EYS: variants seen among roughly 807,000 people sequenced by gnomAD.
EYS encodes the protein EGF-like photoreceptor maintenance factor, also known as protein eyes shut homolog.
EYS carries 250 observed loss-of-function variants against 282.1 expected under a neutral mutation model. The observed-to-expected ratio is 0.89, with a 90% CI of 0.80 to 0.98. The LOEUF (loss-of-function observed/expected upper bound fraction) is 0.98, where lower values mean the gene tolerates loss of function less well. Among genes scored for constraint, EYS ranks in the 50% least tolerant of loss-of-function variants. The pLI is 0.00. For missense variants in EYS, 4,016 were observed against 3,709.0 expected (o/e 1.08, Z -2.15); for synonymous variants, 1,355 against 1,282.9 (o/e 1.06, Z -1.20).
chr6:64,360,071 C>T (rs1771955285), intron 29 of EYS, among the ~76,000 whole-genome samples: 1 of 151,644 alleles, frequency 6.6e-6, no homozygotes. Context: ...AGATCTTTAT[C>T]ACTTTAAAAA....
intron 29 of EYS, among the ~76,000 whole-genome samples, chr6:64,351,512 G>T (rs1771639458): frequency 6.6e-6 from 1 of 151,360 alleles, no homozygotes; most frequent in African/African-American, 2.4e-5. Flanking sequence ...ACATATAGTT[G>T]TAAATATGAC....
At chr6:64,070,198 G>A (rs576514386) in intron 32 of EYS, among the ~76,000 whole-genome samples, 3 of 152,146 alleles carry the variant, frequency 2.0e-5, no homozygotes, top group East Asian at 3.9e-4. Flanking sequence ...TGAACTTCAC[G>A]TCCTTGTTAC....
At chr6:65,192,299 G>C (rs1179584976) in intron 12 of EYS, among the ~76,000 whole-genome samples, 1 of 142,614 alleles carries the variant, frequency 7.0e-6, no homozygotes, top group African/African-American at 2.6e-5. Flanking sequence ...TACTCTGTGT[G>C]TGTGTGTGTG....
At chr6:64,713,389 C>T (rs191306197) in intron 22 of EYS, 4 of 152,132 alleles carry the variant, frequency 2.6e-5, no homozygotes, top group East Asian at 1.9e-4. Context: ...ATGCTGTCAG[C>T]GTGAAAACAC....
intron 37 of EYS, among the ~76,000 whole-genome samples, chr6:63,792,618 T>C (rs1167118844): frequency 6.6e-6 from 1 of 151,680 alleles, no homozygotes; most frequent in Non-Finnish European, 1.5e-5. Context: ...AAAACAAAAA[T>C]ACACTTTCTA....
At chr6:64,745,964 G>A (rs942123285) in intron 22 of EYS, among the ~76,000 whole-genome samples, 1 of 152,168 alleles carries the variant, frequency 6.6e-6, no homozygotes, top group Non-Finnish European at 1.5e-5. Flanking sequence ...CCAAAGGCTA[G>A]AGTGTACCTT....
chr6:64,885,763 T>C (rs142295515), intron 19 of EYS, among the ~76,000 whole-genome samples: 3 of 151,942 alleles, frequency 2.0e-5, no homozygotes, highest in Admixed American at 2.0e-4. Flanking sequence ...GACACCTTCA[T>C]ATTTCTTTTT....
At chr6:64,936,344 T>C (rs554612034) in intron 15 of EYS, among the ~76,000 whole-genome samples, 1 of 151,602 alleles carries the variant, frequency 6.6e-6, no homozygotes, top group East Asian at 1.9e-4. Context: ...AACATCATAC[T>C]TTATGGTGAA....
At chr6:65,516,353 T>C (rs1767134993) in intron 2 of EYS, among the ~76,000 whole-genome samples, 1 of 152,112 alleles carries the variant, frequency 6.6e-6, no homozygotes, top group African/African-American at 2.4e-5. Context: ...CCACTGCTAA[T>C]CCTCACAGCT....
chr6:64,866,507 A>G (rs1766429541), intron 19 of EYS, among the ~76,000 whole-genome samples: 1 of 151,850 alleles, frequency 6.6e-6, no homozygotes, highest in South Asian at 2.1e-4. Context: ...CAGCCTTTAA[A>G]ATATTTAAAG....
Position 63,873,724 on chromosome 6 carries a change from T to C in EYS, c.7056-9366A>G, listed in dbSNP as rs186966004. Among the ~76,000 whole-genome samples, 1,037 of 152,300 alleles carry C rather than the reference T, an allele frequency of 6.8e-3. 11 individuals are homozygous for C. The highest frequency in any genetic ancestry group is 0.023 in the African/African-American group (950 of 41,554). ...ACTGGTATGAGATGGTATCTCATGG[T>C]GGTTTTGATTTGCATTTCTCTGATG... is the stretch of plus-strand genomic sequence containing the variant. On this transcript the variant is annotated intron_variant, in intron 35 of 42. Transcript: ENST00000503581.
intron 28 of EYS, among the ~76,000 whole-genome samples, chr6:64,434,460 T>C (rs1774672977): frequency 6.6e-6 from 1 of 152,112 alleles, no homozygotes; most frequent in Admixed American, 6.6e-5. Flanking sequence ...TGTTAATTAA[T>C]ATTGTTGTTT....
chr6:65,372,740 A>T (rs9453286), intron 8 of EYS, among the ~76,000 whole-genome samples: 1 of 151,820 alleles, frequency 6.6e-6, no homozygotes, highest in Non-Finnish European at 1.5e-5. Flanking sequence ...CAATTTCAAT[A>T]AGGAAGTTCG....
At chr6:65,195,073 T>C (rs1765732648) in intron 12 of EYS, among the ~76,000 whole-genome samples, 1 of 152,184 alleles carries the variant, frequency 6.6e-6, no homozygotes, top group East Asian at 1.9e-4. Context: ...TGATATTGTG[T>C]TAAGTATGAC....
intron 13 of EYS, among the ~76,000 whole-genome samples, chr6:65,006,096 C>T (rs572984207): frequency 4.3e-4 from 66 of 152,146 alleles, no homozygotes; most frequent in Non-Finnish European, 7.8e-4. Context: ...TCCCTGTTAT[C>T]CCTCCTGATT....
intron 31 of EYS, among the ~76,000 whole-genome samples, chr6:64,209,346 G>A (rs1765696095): frequency 6.6e-6 from 1 of 151,046 alleles, no homozygotes; most frequent in South Asian, 2.1e-4. Flanking sequence ...CATTTCTTGA[G>A]ACTTTCTCTC....
intron 29 of EYS, among the ~76,000 whole-genome samples, chr6:64,312,605 G>T (rs1184271355): frequency 1.1e-4 from 16 of 152,166 alleles, no homozygotes; most frequent in Non-Finnish European, 4.4e-5. Flanking sequence ...CCCAGTAGGG[G>T]CTGACAGGCA....
intron 30 of EYS, among the ~76,000 whole-genome samples, chr6:64,259,208 A>G (rs1394768319): frequency 6.6e-6 from 1 of 151,988 alleles, no homozygotes. Context: ...TCTAGAATTG[A>G]TTGGTCAACC....
At chr6:64,024,026 G>A (rs1769342269) in intron 33 of EYS, among the ~76,000 whole-genome samples, 1 of 152,174 alleles carries the variant, frequency 6.6e-6, no homozygotes, top group Non-Finnish European at 1.5e-5. Context: ...CCCTCTCTCT[G>A]TGGGCTCCTG....
Sources: gnomAD v4.1 joint callset for allele counts (sites outside exome capture counted in the v4.1 genomes callset) on GRCh38, gnomAD v4.1.1 for gene constraint, MANE v1.5 for transcripts, NCBI Gene and HGNC (gene_info 2026-07-23, HGNC 2026-07-21) for gene names.